Variants in ATP2B4 observed in about 807,000 individuals in gnomAD.
ATP2B4 encodes the protein ATPase plasma membrane Ca2+ transporting 4, also known as plasma membrane calcium-transporting ATPase 4.
ATP2B4 carries 39 observed loss-of-function variants against 110.3 expected under a neutral mutation model. The ratio of observed to expected loss-of-function variants is 0.35; its 90% confidence interval spans 0.27 to 0.46. The LOEUF (loss-of-function observed/expected upper bound fraction) is 0.46, where lower values mean the gene tolerates loss of function less well. Among genes scored for constraint, ATP2B4 ranks in the 20% least tolerant of loss-of-function variants. ATP2B4 has a pLI of 1.00. For synonymous variants in ATP2B4, 538 were observed against 571.7 expected (o/e 0.94, Z 0.84); for missense variants, 1,135 against 1,530.9 (o/e 0.74, Z 4.32).
At chr1:203,699,234 A>T (rs1259830019) in intron 3 of ATP2B4, among the ~76,000 whole-genome samples, 2 of 152,220 alleles carry the variant, frequency 1.3e-5, no homozygotes, top group Non-Finnish European at 2.9e-5. Flanking sequence ...GATAGTTTGT[A>T]CTATTTAGTC....
At chr1:203,718,898 C>T (rs1210378135) in intron 15 of ATP2B4, among the ~76,000 whole-genome samples, 1 of 152,036 alleles carries the variant, frequency 6.6e-6, no homozygotes, top group Non-Finnish European at 1.5e-5. Flanking sequence ...GCTACCAGAT[C>T]ATTTATATCA....
intron 19 of ATP2B4, 65 bp downstream of exon 19, chr1:203,724,053 G>A: frequency 7.2e-7 from 1 of 1,389,836 alleles, no homozygotes; most frequent in Non-Finnish European, 9.9e-7. Context: ...CTCTACATGA[G>A]ATGGAACAAG....
chr1:203,724,023 C>T, intron 19 of ATP2B4, 35 bp downstream of exon 19: 1 of 1,557,058 alleles, frequency 6.4e-7, no homozygotes, highest in Admixed American at 1.8e-5. Flanking sequence ...TGCATTCTCA[C>T]AGCCTGCAGA....
chr1:203,742,281 T>C lies in ATP2B4; in HGVS notation c.*2427T>C, dbSNP rs896962187. On this transcript the variant is annotated 3_prime_UTR_variant, in exon 21 of 21. Coordinates refer to ENST00000357681, the MANE Select transcript of ATP2B4 (RefSeq NM_001684.5). ...GTTTTAAAACCAATACACCATACTT[T>C]CTTTCTGCAAACAGCCATCTTTATA... The C allele has an allele frequency of 2.6e-5, 4 of 152,660 alleles. No homozygotes were observed. Among genetic ancestry groups the C allele is most frequent in the Non-Finnish European group, 5.9e-5 (4 of 68,042 alleles). 9.5% of individuals were successfully genotyped at this position (152,660 alleles called of 1,614,324 possible). A position where few individuals can be genotyped will look rare whatever the true frequency, so the allele number is the denominator to read the frequency against.
chr1:203,730,473 G>A (rs1428106869), intron 20 of ATP2B4, among the ~76,000 whole-genome samples: 1 of 152,084 alleles, frequency 6.6e-6, no homozygotes, highest in African/African-American at 2.4e-5. Context: ...CATCTCTAAA[G>A]CCCCCAGTGC....
At chr1:203,645,911 C>A (rs758864687) in intron 1 of ATP2B4, among the ~76,000 whole-genome samples, 1 of 151,850 alleles carries the variant, frequency 6.6e-6, no homozygotes, top group Non-Finnish European at 1.5e-5. Flanking sequence ...TTCATAGGAA[C>A]GTTGACATAG....
intron 1 of ATP2B4, chr1:203,657,167 G>T (rs941619360): frequency 3.7e-6 from 3 of 816,544 alleles, no homozygotes; most frequent in African/African-American, 3.4e-5. Flanking sequence ...CCAAGTATTG[G>T]TGGGCAAAAG....
chr1:203,660,197 G>A (rs542041549), intron 1 of ATP2B4, among the ~76,000 whole-genome samples: 68 of 152,018 alleles, frequency 4.5e-4, no homozygotes, highest in Non-Finnish European at 9.0e-4. Context: ...CCTTTACCAT[G>A]TGGTAGATTT....
At chr1:203,662,180 C>G (rs554207007) in intron 1 of ATP2B4, among the ~76,000 whole-genome samples, 3 of 152,052 alleles carry the variant, frequency 2.0e-5, no homozygotes, top group African/African-American at 2.4e-5. Context: ...CCTGCCACCA[C>G]GCCCGACTAA....
Position 203,698,170 on chromosome 1 carries a change from C to T in ATP2B4, c.207C>T (p.Asn69=). 1 of 1,614,138 alleles carries T rather than the reference C, an allele frequency of 6.2e-7. No homozygotes were observed. The highest frequency in any genetic ancestry group is 8.5e-7 in the Non-Finnish European group (1 of 1,180,036). The change falls in exon 3 of 21, where the codon AAC becomes AAT. Residue 69 remains asparagine, a synonymous_variant. Coordinates refer to ENST00000357681, the MANE Select transcript of ATP2B4 (RefSeq NM_001684.5). ...TCTCCTTTTCAGGTCTGTCTGGGAACCCTGCAGATCTGGAGAAACGTAGGC... is the reference window on the plus strand; with the variant it reads ...TCTCCTTTTCAGGTCTGTCTGGGAATCCTGCAGATCTGGAGAAACGTAGGC... ...KTSPVEGLSG[N]PADLEKRRQV... is the part of the protein sequence containing the mutation.
At chr1:203,628,043 GA>G (rs1663141582) in intron 1 of ATP2B4, among the ~76,000 whole-genome samples, 1 of 152,308 alleles carries the variant, frequency 6.6e-6, no homozygotes, top group East Asian at 1.9e-4. Context: ...AGGGTGAATT[GA>G]AAAGTTTCCG....
At chr1:203,724,877 T>G (rs926896911) in intron 19 of ATP2B4, among the ~76,000 whole-genome samples, 25 of 142,802 alleles carry the variant, frequency 1.8e-4, no homozygotes, top group East Asian at 4.1e-4. Flanking sequence ...GTTTTTTTTT[T>G]TTTTTTTTTT....
intron 1 of ATP2B4, among the ~76,000 whole-genome samples, chr1:203,675,242 C>T (rs542244545): frequency 2.0e-5 from 3 of 152,296 alleles, no homozygotes; most frequent in South Asian, 2.1e-4. Context: ...TTCTTGGTAT[C>T]GCTGTTTGGA....
At chr1:203,689,292 C>T (rs752882584) in intron 2 of ATP2B4, among the ~76,000 whole-genome samples, 3 of 152,160 alleles carry the variant, frequency 2.0e-5, no homozygotes, top group Non-Finnish European at 4.4e-5. Context: ...ATGGTCCTGG[C>T]GGCCTAGGTA....
At chr1:203,720,787 C>T in intron 16 of ATP2B4, 47 bp downstream of exon 16, 1 of 1,566,420 alleles carries the variant, frequency 6.4e-7, no homozygotes, top group Non-Finnish European at 8.7e-7. Context: ...GAGTCAGGGG[C>T]TAAGGAACAT....
intron 1 of ATP2B4, among the ~76,000 whole-genome samples, chr1:203,633,713 G>GATAA (rs59277643): frequency 0.083 from 11,925 of 144,332 alleles, 721 homozygotes; most frequent in African/African-American, 0.16. Context: ...CTCCATATCA[G>GATAA]ATAAATAAAT....
intron 1 of ATP2B4, among the ~76,000 whole-genome samples, chr1:203,680,248 G>A (rs891671635): frequency 6.6e-6 from 1 of 152,136 alleles, no homozygotes; most frequent in Admixed American, 6.5e-5. Context: ...GGCAAGGAAA[G>A]ATGGAAGGGC....
intron 1 of ATP2B4, among the ~76,000 whole-genome samples, chr1:203,663,383 C>T (rs1664407010): frequency 2.0e-5 from 3 of 151,940 alleles, no homozygotes; most frequent in Non-Finnish European, 2.9e-5. Flanking sequence ...GGAGGTGTAC[C>T]GCCTCCATCT....
intron 1 of ATP2B4, among the ~76,000 whole-genome samples, chr1:203,672,454 C>T (rs1373469884): frequency 6.6e-6 from 1 of 150,904 alleles, no homozygotes; most frequent in African/African-American, 2.4e-5. Context: ...GCTTTACCGT[C>T]GCTGGGCTGC....
Sources: gnomAD v4.1 joint callset for allele counts (sites outside exome capture counted in the v4.1 genomes callset) on GRCh38, gnomAD v4.1.1 for gene constraint, MANE v1.5 for transcripts, NCBI Gene and HGNC (gene_info 2026-07-23, HGNC 2026-07-21) for gene names.